NUP210L: variants seen among roughly 807,000 people sequenced by gnomAD.
The protein encoded by NUP210L is nucleoporin 210 like, also known as nuclear pore membrane glycoprotein 210-like.
A neutral mutation model predicts 208.5 loss-of-function variants in NUP210L; 74 were observed. The ratio of observed to expected loss-of-function variants is 0.35; its 90% CI spans 0.29 to 0.43. The LOEUF (loss-of-function observed/expected upper bound fraction) is 0.43, where lower values mean the gene tolerates loss of function less well. Among genes scored for constraint, NUP210L ranks in the 20% least tolerant of loss-of-function variants. The probability of loss-of-function intolerance (pLI) is 1.00; values close to 1 mark genes in which losing one functional copy is unlikely to be tolerated. For missense variants in NUP210L, 1,843 were observed against 2,289.4 expected (o/e 0.81, Z 3.98); for synonymous variants, 780 against 816.9 (o/e 0.95, Z 0.77).
intron 16 of NUP210L, among the ~76,000 whole-genome samples, chr1:154,089,154 C>A (rs891185900): frequency 9.9e-5 from 15 of 152,068 alleles, no homozygotes; most frequent in Admixed American, 6.6e-5. Context: ...TCCTCAGACA[C>A]TATCAGAAAA....
chr1:154,053,644 G>A (rs1433238771), intron 25 of NUP210L, among the ~76,000 whole-genome samples: 2 of 152,234 alleles, frequency 1.3e-5, no homozygotes, highest in African/African-American at 4.8e-5. Context: ...GTGCCTTAAG[G>A]ACATGTTCCT....
At chr1:154,064,645 A>G (rs550139721) in intron 17 of NUP210L, among the ~76,000 whole-genome samples, 1 of 152,324 alleles carries the variant, frequency 6.6e-6, no homozygotes, top group South Asian at 2.1e-4. Flanking sequence ...GACTATAAGT[A>G]TATGAGGGAA....
intron 16 of NUP210L, among the ~76,000 whole-genome samples, chr1:154,073,856 A>AT (rs1438504293): frequency 1.5e-4 from 23 of 151,532 alleles, no homozygotes; most frequent in Admixed American, 3.3e-4. Context: ...AAATAAATAA[A>AT]TAAATTCAAT....
chr1:154,092,322 G>A lies in NUP210L; in HGVS notation c.2187+2613C>T, dbSNP rs1444753342. 7.4e-5 allele frequency among the ~76,000 whole-genome samples: 11 copies of A among 149,334 alleles called. No individual in the cohort carries two copies. In the East Asian group the frequency reaches 1.2e-3, roughly 16 times the overall value. ...TCTCGATCTCCTGACCTGGTGATCC[G>A]CCCGCCTCGTCCTCCCAAAGAGCTA... On this transcript the variant is annotated intron_variant, in intron 15 of 39. Coordinates refer to ENST00000368559, the Ensembl canonical transcript of NUP210L.
At chr1:154,085,068 C>T (rs1196371794) in intron 16 of NUP210L, among the ~76,000 whole-genome samples, 1 of 140,298 alleles carries the variant, frequency 7.1e-6, no homozygotes, top group Non-Finnish European at 1.6e-5. Flanking sequence ...AAACTAAAGG[C>T]CAGGTGCAGT....
rs568494359 is a variant in NUP210L, at chr1:154,022,259, C to T, written c.4383G>A (p.Gly1461=). ...TGCCTGGATGTCTCCGGTCCCAAAGCCCCACAAGTGTCAGCCCTCTGTTCA... is the reference window on the plus strand; with the variant it reads ...TGCCTGGATGTCTCCGGTCCCAAAGTCCCACAAGTGTCAGCCCTCTGTTCA... Residue 1461 remains glycine (G), a synonymous_variant, in exon 32 of 40, where the codon GGG becomes GGA. Coordinates refer to ENST00000368559, the Ensembl canonical transcript of NUP210L. 5.0e-6 allele frequency: 8 copies of T among 1,614,136 alleles called. No homozygotes were observed. In the South Asian group the frequency reaches 6.6e-5, roughly 13 times the overall value.
exon 5 of NUP210L, chr1:154,139,937 G>C (rs780504775): frequency 8.7e-6 from 14 of 1,608,766 alleles, no homozygotes; most frequent in Non-Finnish European, 1.2e-5. Context: ...ATTCTGCTTC[G>C]GAGTATTTAA....
intron 2 of NUP210L, among the ~76,000 whole-genome samples, chr1:154,151,081 A>C (rs762094615): frequency 1.3e-5 from 2 of 151,974 alleles, no homozygotes; most frequent in Non-Finnish European, 2.9e-5. Flanking sequence ...AAGATTTGAC[A>C]TTTTTCCTAG....
intron 16 of NUP210L, among the ~76,000 whole-genome samples, chr1:154,072,098 G>C (rs980686751): frequency 3.9e-5 from 6 of 151,946 alleles, no homozygotes; most frequent in Non-Finnish European, 8.8e-5. Flanking sequence ...ATGTGTGCAA[G>C]TATCTTTTTC....
chr1:154,055,282 G>A (rs1003533558), intron 23 of NUP210L, among the ~76,000 whole-genome samples: 2 of 140,866 alleles, frequency 1.4e-5, no homozygotes, highest in Non-Finnish European at 3.0e-5. Flanking sequence ...AAGGAGTTTC[G>A]CTCTGTCACC....
At chr1:154,022,064 T>C in intron 32 of NUP210L, 62 bp downstream of exon 32, 3 of 1,363,864 alleles carry the variant, frequency 2.2e-6, no homozygotes, top group Non-Finnish European at 3.1e-6. Context: ...TTTTTTTTAA[T>C]AACTGCTTTT....
At chr1:154,134,895 G>C (rs1041143271) in intron 7 of NUP210L, among the ~76,000 whole-genome samples, 2 of 151,410 alleles carry the variant, frequency 1.3e-5, no homozygotes, top group Non-Finnish European at 2.9e-5. Context: ...GCACCACCAC[G>C]CCCGGCTAAT....
Position 153,992,916 on chromosome 1 carries a change from ACTTGT to A in NUP210L, c.5581_5585del (p.Thr1861PhefsTer36). Reference sequence around the variant, plus strand: ...GTAGACTCATGAAGTGAGGGGGAGAACTTGTGGAGTTAAAAAAACCTAGAAGAAGA... The same window carrying A: ...GTAGACTCATGAAGTGAGGGGGAGAAGGAGTTAAAAAAACCTAGAAGAAGA... On this transcript the variant is annotated frameshift_variant, in exon 40 of 40. Transcript: ENST00000368559. LOFTEE classifies it low-confidence loss of function (END_TRUNC). 1 of 1,611,694 alleles carries A rather than the reference ACTTGT, an allele frequency of 6.2e-7. No homozygotes were observed. The highest frequency in any genetic ancestry group is 1.3e-5 in the African/African-American group (1 of 74,776).
exon 23 of NUP210L, chr1:154,056,879 G>A: frequency 6.2e-7 from 1 of 1,607,624 alleles, no homozygotes; most frequent in South Asian, 1.1e-5. Flanking sequence ...AGCCACAAGT[G>A]TGGTTTGCCC....
chr1:154,058,317 A>G (rs1186215942), intron 21 of NUP210L, 101 bp from the exon 22 acceptor site: 3 of 1,298,068 alleles, frequency 2.3e-6, no homozygotes, highest in Non-Finnish European at 3.2e-6. Context: ...TTCATGCTAA[A>G]TGATCCTGGT....
intron 17 of NUP210L, among the ~76,000 whole-genome samples, chr1:154,064,014 A>G (rs1654270213): frequency 6.7e-6 from 1 of 149,470 alleles, no homozygotes; most frequent in Admixed American, 6.7e-5. Context: ...TATAAATTAT[A>G]TAACACGTCT....
chr1:154,018,857 G>A (rs1651404444), intron 33 of NUP210L, 76 bp downstream of exon 33: 8 of 1,495,314 alleles, frequency 5.4e-6, no homozygotes, highest in Admixed American at 1.9e-5. Flanking sequence ...TTCCTAAGAT[G>A]TATTTTCTCT....
intron 25 of NUP210L, among the ~76,000 whole-genome samples, chr1:154,051,450 G>A (rs572211991): frequency 2.6e-4 from 39 of 152,142 alleles, no homozygotes; most frequent in Middle Eastern, 3.4e-3. Context: ...TCCTGACCTC[G>A]TTATCCAACT....
chr1:154,143,210 A>G (rs1658945955), intron 3 of NUP210L, among the ~76,000 whole-genome samples: 2 of 152,006 alleles, frequency 1.3e-5, no homozygotes, highest in Admixed American at 6.6e-5. Context: ...CCAAAAAAAA[A>G]AAAAAGAAAG....
Sources: gnomAD v4.1 joint callset for allele counts (sites outside exome capture counted in the v4.1 genomes callset) on GRCh38, gnomAD v4.1.1 for gene constraint, MANE v1.5 for transcripts, NCBI Gene and HGNC (gene_info 2026-07-23, HGNC 2026-07-21) for gene names.